Variants in CSMD2 observed in about 807,000 individuals in gnomAD.
CSMD2 encodes the protein CUB and Sushi multiple domains 2, also known as CUB and sushi domain-containing protein 2.
A neutral mutation model predicts 398.5 loss-of-function variants in CSMD2; 130 were observed. The ratio of observed to expected loss-of-function variants is 0.33; its 90% CI spans 0.28 to 0.38. The LOEUF is 0.38. CSMD2 is among the 10% of genes least tolerant of loss of function. CSMD2 has a pLI of 1.00. For missense variants in CSMD2, 3,829 were observed against 4,764.9 expected (o/e 0.80, Z 5.78); for synonymous variants, 1,828 against 1,908.5 (o/e 0.96, Z 1.10).
At chr1:34,142,746 C>G (rs1277194402) in intron 1 of CSMD2, among the ~76,000 whole-genome samples, 1 of 152,164 alleles carries the variant, frequency 6.6e-6, no homozygotes, top group African/African-American at 2.4e-5. Flanking sequence ...CTCGATCTGC[C>G]CCTCTGCAAG....
At chr1:33,892,522 C>T (rs1243173549) in intron 5 of CSMD2, among the ~76,000 whole-genome samples, 1 of 152,104 alleles carries the variant, frequency 6.6e-6, no homozygotes, top group East Asian at 1.9e-4. Context: ...ACTCTTATGC[C>T]TTTGCACCCT....
intron 10 of CSMD2, among the ~76,000 whole-genome samples, chr1:33,806,814 C>A (rs1656285778): frequency 6.6e-6 from 1 of 152,010 alleles, no homozygotes; most frequent in South Asian, 2.1e-4. Flanking sequence ...CTGGACACAG[C>A]TGAACAGAGA....
chr1:33,963,488 C>T (rs1054618195), intron 3 of CSMD2, among the ~76,000 whole-genome samples: 1 of 152,176 alleles, frequency 6.6e-6, no homozygotes, highest in Non-Finnish European at 1.5e-5. Flanking sequence ...TAAACCATCA[C>T]CACAATCAGG....
intron 13 of CSMD2, among the ~76,000 whole-genome samples, chr1:33,761,031 T>G (rs954177591): frequency 1.3e-5 from 2 of 152,208 alleles, no homozygotes; most frequent in Non-Finnish European, 2.9e-5. Flanking sequence ...CAGGAATGAC[T>G]GACTGCTCGA....
intron 1 of CSMD2, among the ~76,000 whole-genome samples, chr1:34,101,497 G>A (rs981974583): frequency 2.6e-5 from 4 of 152,104 alleles, no homozygotes; most frequent in African/African-American, 4.8e-5. Context: ...ACTCTCAATA[G>A]TTATGTCTAG....
chr1:33,861,379 G>A (rs547720548), intron 5 of CSMD2: 1 of 152,282 alleles, frequency 6.6e-6, no homozygotes, highest in Admixed American at 6.5e-5. Context: ...TGGCAGAGCT[G>A]GGTACCTGCA....
intron 62 of CSMD2, among the ~76,000 whole-genome samples, chr1:33,534,338 A>G (rs1655557825): frequency 1.3e-5 from 2 of 152,350 alleles, no homozygotes; most frequent in South Asian, 4.1e-4. Context: ...ATTTTACAAA[A>G]TGTGAAGAAG....
chr1:34,039,351 C>T (rs1051091465), intron 2 of CSMD2, among the ~76,000 whole-genome samples: 7 of 152,180 alleles, frequency 4.6e-5, no homozygotes, highest in South Asian at 4.1e-4. Context: ...CCTTGGCCTC[C>T]GCAGCCACGG....
chr1:33,739,080 T>G, intron 15 of CSMD2, 60 bp downstream of exon 15: 2 of 1,522,492 alleles, frequency 1.3e-6, no homozygotes, highest in Non-Finnish European at 1.8e-6. Context: ...GGCTGCTTGC[T>G]CCCCCTCCCC....
Position 33,820,564 on chromosome 1 carries a change from GCAAA to G in CSMD2, c.1112-12_1112-9del, listed in dbSNP as rs773897438. On this transcript the variant is annotated splice_polypyrimidine_tract_variant and intron_variant, in intron 7 of 70. Transcript: ENST00000373381. ...ACACACCAACCTGAGTTACTACAAG[GCAAA>G]AAAAAAAAAAAAAAAAAAAACAGCA... 6.7e-5 allele frequency: 32 copies of G among 479,340 alleles called. No homozygotes were observed. Among genetic ancestry groups the G allele is most frequent in the South Asian group, 2.5e-4 (5 of 20,086 alleles). The allele number at this position is 479,340 out of a possible 1,614,324, so 29.7% of individuals were successfully genotyped here. A position where few individuals can be genotyped will look rare whatever the true frequency, so the allele number is the denominator to read the frequency against.
chr1:33,543,141 TC>T (rs1169449593), intron 57 of CSMD2, among the ~76,000 whole-genome samples: 2 of 152,218 alleles, frequency 1.3e-5, no homozygotes, highest in African/African-American at 4.8e-5. Flanking sequence ...TCTATTATCG[TC>T]CTTAAAATTT....
At position 33,726,802 on chromosome 1, in the gene CSMD2, T is replaced by C. The variant is rs996738467; in HGVS notation, c.2369-117A>G. The C allele has an allele frequency of 4.5e-6, 5 of 1,114,050 alleles. No individual in the cohort carries two copies. The Admixed American group carries it at 8.5e-5, about 19-fold the overall frequency. The allele number at this position is 1,114,050 out of a possible 1,614,324, so 69.0% of individuals were successfully genotyped here. ...GTATAGTTTTTGTTTTTATGGAAAA[T>C]TACATAAACTATAAACTGTGAGTTT... is the stretch of plus-strand genomic sequence containing the variant. On this transcript the variant is annotated intron_variant, in intron 15 of 70. Transcript: ENST00000373381.
chr1:33,735,461 G>C (rs1266581500), intron 15 of CSMD2, among the ~76,000 whole-genome samples: 5 of 152,066 alleles, frequency 3.3e-5, no homozygotes, highest in Non-Finnish European at 7.4e-5. Context: ...GTCTTTCTTG[G>C]GAAATTTCTG....
chr1:33,864,075 T>C, intron 5 of CSMD2: 2 of 965,222 alleles, frequency 2.1e-6, no homozygotes, highest in Non-Finnish European at 3.1e-6. Context: ...ACTACAGCTC[T>C]TGCAGACAGA....
intron 55 of CSMD2, among the ~76,000 whole-genome samples, chr1:33,553,763 C>T (rs72660177): frequency 0.064 from 9,686 of 152,132 alleles, 404 homozygotes; most frequent in Non-Finnish European, 0.095. Flanking sequence ...AATGAAACAG[C>T]CTTATTGCCA....
intron 53 of CSMD2, among the ~76,000 whole-genome samples, chr1:33,565,569 AC>A (rs1658983879): frequency 6.6e-6 from 1 of 152,120 alleles, no homozygotes; most frequent in East Asian, 1.9e-4. Context: ...AGAAGAGGGT[AC>A]TACTAAACCA....
At chr1:34,154,274 T>C (rs1208889169) in intron 1 of CSMD2, among the ~76,000 whole-genome samples, 1 of 152,180 alleles carries the variant, frequency 6.6e-6, no homozygotes, top group Non-Finnish European at 1.5e-5. Context: ...CAGAAACTCT[T>C]GGGCACTCTT....
At chr1:34,010,016 A>ACC (rs1381715380) in intron 3 of CSMD2, among the ~76,000 whole-genome samples, 2 of 151,884 alleles carry the variant, frequency 1.3e-5, no homozygotes, top group Non-Finnish European at 2.9e-5. Context: ...TAATTGTGTC[A>ACC]CCTCCTTGCT....
chr1:34,058,888 A>C (rs2148252826), intron 2 of CSMD2, among the ~76,000 whole-genome samples: 1 of 152,302 alleles, frequency 6.6e-6, no homozygotes, highest in East Asian at 1.9e-4. Flanking sequence ...CTATATTTTT[A>C]GATCTCAACT....
Sources: allele counts gnomAD v4.1 joint callset (sites outside exome capture counted in the v4.1 genomes callset), GRCh38; gene constraint gnomAD v4.1.1; transcripts MANE v1.5; gene names NCBI Gene and HGNC (gene_info 2026-07-23, HGNC 2026-07-21).